IL31RA: variants seen among roughly 807,000 people sequenced by gnomAD.
The protein encoded by IL31RA is interleukin-31 receptor subunit alpha.
Under a neutral mutation model 83.7 loss-of-function variants are expected in IL31RA, and 66 were observed. The observed-to-expected ratio is 0.79, with a 90% confidence interval of 0.65 to 0.97. The LOEUF is 0.97. Ranked by LOEUF, IL31RA falls within the 50% of genes least tolerant of loss-of-function variation. IL31RA has a pLI of 0.00. For missense variants in IL31RA, 798 were observed against 919.4 expected (o/e 0.87, Z 1.71); for synonymous variants, 325 against 329.0 (o/e 0.99, Z 0.13).
chr5:55,843,988 A>T, the IL31RA span, among the ~76,000 whole-genome samples: 593 of 151,380 alleles, frequency 3.9e-3, 6 homozygotes, highest in African/African-American at 0.014. Flanking sequence ...TAATTCATGA[A>T]TTTTTTTTTA....
At chr5:55,894,153 C>T (rs1748190573) in intron 6 of IL31RA, among the ~76,000 whole-genome samples, 1 of 151,264 alleles carries the variant, frequency 6.6e-6, no homozygotes, top group Non-Finnish European at 1.5e-5. Flanking sequence ...CTCAATATTA[C>T]TGGCCTTAAG....
chr5:55,888,829 A>G (rs1471382578), intron 5 of IL31RA, among the ~76,000 whole-genome samples: 1 of 152,110 alleles, frequency 6.6e-6, no homozygotes, highest in Admixed American at 6.5e-5. Context: ...TTCCACCTCC[A>G]TCTCACCAGG....
In IL31RA at chr5:55,870,891, A is replaced by G. The variant is rs74700738; in HGVS notation, c.273-1379A>G. 3.5e-3 allele frequency among the ~76,000 whole-genome samples: 529 copies of G among 152,304 alleles called. 4 individuals carry two copies. The highest frequency in any genetic ancestry group is 0.012 in the African/African-American group (510 of 41,560). On this transcript the variant is annotated intron_variant, in intron 3 of 14. Coordinates refer to ENST00000652347, the MANE Select transcript of IL31RA (RefSeq NM_139017.7). ...CCTTCATGGAGATAATGATTTTTGA[A>G]CTGAGGCTGAAAGGAGGTCTAGAGG...
intron 5 of IL31RA, among the ~76,000 whole-genome samples, chr5:55,885,639 G>A (rs1747550442): frequency 6.6e-6 from 1 of 152,204 alleles, no homozygotes; most frequent in Non-Finnish European, 1.5e-5. Context: ...AGCATCTGAT[G>A]TAAACACTTG....
At chr5:55,915,489 A>G (rs984610954) in intron 14 of IL31RA, among the ~76,000 whole-genome samples, 4 of 152,180 alleles carry the variant, frequency 2.6e-5, no homozygotes, top group African/African-American at 9.7e-5. Flanking sequence ...TTTTAAGTGG[A>G]AAACCGTTAG....
At chr5:55,879,305 CACAAAA>C (rs1390929326) in intron 4 of IL31RA, among the ~76,000 whole-genome samples, 1 of 151,922 alleles carries the variant, frequency 6.6e-6, no homozygotes, top group African/African-American at 2.4e-5. Flanking sequence ...GTAAGACAGC[CACAAAA>C]CTATTTTCCT....
At chr5:55,884,952 T>C (rs1747490937) in intron 5 of IL31RA, among the ~76,000 whole-genome samples, 1 of 152,220 alleles carries the variant, frequency 6.6e-6, no homozygotes, top group Admixed American at 6.5e-5. Flanking sequence ...CTTTTTACTT[T>C]TTAACTTTTC....
At chr5:55,861,307 G>A (rs1047469609) in intron 2 of IL31RA, among the ~76,000 whole-genome samples, 10 of 152,134 alleles carry the variant, frequency 6.6e-5, no homozygotes, top group African/African-American at 1.7e-4. Context: ...CAACCCCCAG[G>A]CTGCAGACCA....
In IL31RA at chr5:55,876,121, A is replaced by G. The variant is rs557901299; in HGVS notation, c.454+3670A>G. 3.9e-4 allele frequency among the ~76,000 whole-genome samples: 60 copies of G among 152,312 alleles called. 1 individual carries two copies. In the South Asian group the frequency reaches 0.012, roughly 30 times the overall value. Reference sequence around the variant, plus strand: ...AGTGCTTTTAAGAGCAATTAAAAATATTTTGGGCTGGCGCGGTGGCTCATG... The same window carrying G: ...AGTGCTTTTAAGAGCAATTAAAAATGTTTTGGGCTGGCGCGGTGGCTCATG... On this transcript the variant is annotated intron_variant, in intron 4 of 14. Coordinates refer to ENST00000652347, the MANE Select transcript of IL31RA (RefSeq NM_139017.7).
At chr5:55,873,909 T>TA (rs1434832178) in intron 4 of IL31RA, among the ~76,000 whole-genome samples, 4 of 152,110 alleles carry the variant, frequency 2.6e-5, no homozygotes, top group Non-Finnish European at 5.9e-5. Context: ...AATGTATATA[T>TA]TTTTTATTTG....
Position 55,922,504 on chromosome 5 carries a change from C to G in IL31RA, c.*5384C>G, listed in dbSNP as rs985635333. 9 of 1,276,276 alleles carry G rather than the reference C, an allele frequency of 7.1e-6. No individual in the cohort carries two copies. The highest frequency in any genetic ancestry group is 1.5e-5 in the African/African-American group (1 of 67,518). The allele number at this position is 1,276,276 out of a possible 1,614,324, so 79.1% of individuals were successfully genotyped here. On this transcript the variant is annotated 3_prime_UTR_variant, in exon 15 of 15. Transcript: ENST00000652347. The stretch of plus-strand genomic sequence containing the variant: ...AGAAAGGACATGCAGAGTTTTCCAA[C>G]TAGGAAGACTGAATCTGTGGCCCCA...
chr5:55,907,234 C>T, intron 9 of IL31RA, 125 bp from the exon 10 acceptor site: 1 of 682,648 alleles, frequency 1.5e-6, no homozygotes, highest in Non-Finnish European at 2.7e-6. Flanking sequence ...TGTTTATTTT[C>T]CAGAGGTGGA....
rs561597606 is a variant in IL31RA at position 55,918,926 on chromosome 5, G to A, written c.*1806G>A. ...GACTCTAGGGCAATGCCCCTGTCCCGTTGTCCTGCACTCAAGTCCAGGTGT... is the reference window on the plus strand; with the variant it reads ...GACTCTAGGGCAATGCCCCTGTCCCATTGTCCTGCACTCAAGTCCAGGTGT... On this transcript the variant is annotated 3_prime_UTR_variant, in exon 15 of 15. Transcript: ENST00000652347. 2.4e-4 allele frequency among the ~76,000 whole-genome samples: 36 copies of A among 152,200 alleles called. No homozygotes were observed. The highest frequency in any genetic ancestry group is 7.9e-4 in the African/African-American group (33 of 41,528).
chr5:55,862,690 A>G (rs1017129848), intron 2 of IL31RA, among the ~76,000 whole-genome samples: 1 of 152,204 alleles, frequency 6.6e-6, no homozygotes, highest in Non-Finnish European at 1.5e-5. Flanking sequence ...TACAGGTGTG[A>G]GCCACTATGC....
rs1019446814 is a variant in IL31RA, at chr5:55,918,059, C to T, written c.*939C>T. On this transcript the variant is annotated 3_prime_UTR_variant, in exon 15 of 15. Transcript: ENST00000652347. ...AGCCCCAACAGGAGGACTTCTGCTC[C>T]TTTTCTCTAGCTGAGCACAGAGCTT... 1.2e-4 allele frequency among the ~76,000 whole-genome samples: 19 copies of T among 152,224 alleles called. No homozygotes were observed. Among genetic ancestry groups the T allele is most frequent in the African/African-American group, 4.6e-4 (19 of 41,456 alleles).
intron 1 of IL31RA, among the ~76,000 whole-genome samples, chr5:55,855,101 T>TA (rs1044200730): frequency 6.6e-6 from 1 of 152,066 alleles, no homozygotes; most frequent in African/African-American, 2.4e-5. Flanking sequence ...TGCTTGAACT[T>TA]ATGGCCATAG....
At chr5:55,854,621 T>C (rs950565669) in intron 1 of IL31RA, among the ~76,000 whole-genome samples, 2 of 151,856 alleles carry the variant, frequency 1.3e-5, no homozygotes, top group African/African-American at 2.4e-5. Context: ...GGCAGGCACC[T>C]GTAGTCCCAG....
rs1278520384 is a variant in IL31RA, at chr5:55,919,898, T to A, written c.*2778T>A. ...TGGAGAAGGCCATCTGTGTTTTCCCTGTTTACTGTCAGAGACATTGTGAGG... is the reference window on the plus strand; with the variant it reads ...TGGAGAAGGCCATCTGTGTTTTCCCAGTTTACTGTCAGAGACATTGTGAGG... On this transcript the variant is annotated 3_prime_UTR_variant, in exon 15 of 15. Coordinates refer to ENST00000652347, the MANE Select transcript of IL31RA (RefSeq NM_139017.7). Among the ~76,000 whole-genome samples the A allele has an allele frequency of 6.6e-6, 1 of 152,242 alleles. No homozygotes were observed.
At chr5:55,880,319 G>A (rs1037752500) in intron 4 of IL31RA, among the ~76,000 whole-genome samples, 28 of 152,052 alleles carry the variant, frequency 1.8e-4, no homozygotes, top group Admixed American at 1.2e-3. Context: ...ATGTTTTAAA[G>A]TCCATGTCTC....
Sources: allele counts gnomAD v4.1 joint callset (sites outside exome capture counted in the v4.1 genomes callset), GRCh38; gene constraint gnomAD v4.1.1; transcripts MANE v1.5; gene names NCBI Gene and HGNC (gene_info 2026-07-23, HGNC 2026-07-21).